The following ARHGAP32 variants were observed in gnomAD, a reference collection of about 807,000 sequenced individuals.
ARHGAP32 encodes the protein Rho GTPase activating protein 32.
In ARHGAP32, 51 loss-of-function variants were observed where a neutral mutation model predicts 186.5. The observed-to-expected ratio is 0.27, with a 90% confidence interval of 0.22 to 0.35. The LOEUF (loss-of-function observed/expected upper bound fraction) is 0.35. Among genes scored for constraint, ARHGAP32 ranks in the 10% least tolerant of loss-of-function variants. The pLI is 1.00. For missense variants in ARHGAP32, 2,186 were observed against 2,623.5 expected (o/e 0.83, Z 3.64); for synonymous variants, 950 against 964.3 (o/e 0.99, Z 0.27).
At chr11:129,214,832 T>C (rs892355617) in intron 1 of ARHGAP32, among the ~76,000 whole-genome samples, 1 of 152,212 alleles carries the variant, frequency 6.6e-6, no homozygotes, top group Admixed American at 6.5e-5. Flanking sequence ...GTGGACCACA[T>C]GGTCTCTATC....
intron 11 of ARHGAP32, among the ~76,000 whole-genome samples, chr11:129,002,805 ATTTTTTTTTTTT>A (rs36036048): frequency 9.3e-6 from 1 of 108,070 alleles, no homozygotes; most frequent in African/African-American, 3.6e-5. Flanking sequence ...AGGGATGTTG[ATTTTTTTTTTTT>A]TTTTTTTTTG....
Position 128,972,770 on chromosome 11 carries a change from C to A in ARHGAP32, c.3736G>T (p.Asp1246Tyr). Residue 1246 changes from aspartate (D) to tyrosine (Y), a missense_variant, in exon 22 of 23, where the codon GAC becomes TAC. Physicochemically the swap from Asp to Tyr is radical, Grantham distance 160 (BLOSUM62 -3). This residue lies in a region of ARHGAP32 where 1,502 missense variants were observed against 1,570.0 expected (regional missense o/e 0.96). Transcript: ENST00000682385. ...AAATTAGGAGGTGTGGGAGATTTGT[C>A]TGCAAATTCTAAAGGGTGATGGAGT... ...DKLHHPLEFA[D>Y]KSPTPPNLPS... The A allele has an allele frequency of 6.2e-7, 1 of 1,613,924 alleles. No homozygotes were observed. The highest frequency in any genetic ancestry group is 8.5e-7 in the Non-Finnish European group (1 of 1,179,992).
chr11:129,201,648 A>ATTT, intron 1 of ARHGAP32, among the ~76,000 whole-genome samples: 1 of 152,298 alleles, frequency 6.6e-6, no homozygotes, highest in South Asian at 2.1e-4. Context: ...AGCCACTAAA[A>ATTT]TACAACATTT....
intron 1 of ARHGAP32, among the ~76,000 whole-genome samples, chr11:129,211,134 A>C (rs1166677318): frequency 2.0e-5 from 3 of 152,054 alleles, no homozygotes; most frequent in Non-Finnish European, 4.4e-5. Flanking sequence ...AAAATCCTAT[A>C]TTTACTGTAA....
At chr11:129,130,982 T>C (rs1000623412) in intron 2 of ARHGAP32, among the ~76,000 whole-genome samples, 6 of 152,100 alleles carry the variant, frequency 3.9e-5, no homozygotes, top group Non-Finnish European at 8.8e-5. Context: ...CATACATATA[T>C]ATGCAATGGA....
intron 10 of ARHGAP32, among the ~76,000 whole-genome samples, chr11:129,057,087 G>T (rs182652923): frequency 5.3e-5 from 8 of 152,194 alleles, no homozygotes; most frequent in African/African-American, 1.9e-4. Context: ...AGAGCCAGGC[G>T]AGCTGGCTGA....
chr11:128,986,261 G>A (rs1253098632), intron 14 of ARHGAP32, among the ~76,000 whole-genome samples, 176 bp from the exon 15 acceptor site: 1 of 152,162 alleles, frequency 6.6e-6, no homozygotes, highest in African/African-American at 2.4e-5. Flanking sequence ...TGAACACTGA[G>A]ATCTACGAAA....
At chr11:129,236,656 G>A (rs1446323632) in intron 1 of ARHGAP32, among the ~76,000 whole-genome samples, 2 of 152,112 alleles carry the variant, frequency 1.3e-5, no homozygotes, top group Admixed American at 6.6e-5. Context: ...TTTTGGATAC[G>A]TCTTTAGGGT....
chr11:129,205,944 AG>A (rs1159394298), intron 1 of ARHGAP32, among the ~76,000 whole-genome samples: 7 of 152,156 alleles, frequency 4.6e-5, no homozygotes, highest in Admixed American at 1.3e-4. Flanking sequence ...TATATATAAT[AG>A]AATAATGAAC....
chr11:129,194,056 T>C (rs1255937227), upstream of ARHGAP32, among the ~76,000 whole-genome samples: 1 of 151,878 alleles, frequency 6.6e-6, no homozygotes, highest in Non-Finnish European at 1.5e-5. Flanking sequence ...CATAATAAGA[T>C]GACTTTTAAA....
chr11:128,984,056 T>C (rs1945792366), intron 15 of ARHGAP32, among the ~76,000 whole-genome samples: 1 of 152,138 alleles, frequency 6.6e-6, no homozygotes, highest in East Asian at 1.9e-4. Context: ...TGTAAAAGGA[T>C]GGCCCTCATA....
intron 1 of ARHGAP32, among the ~76,000 whole-genome samples, chr11:129,262,387 C>CT (rs796171922): frequency 1.8e-3 from 257 of 144,332 alleles, no homozygotes; most frequent in Middle Eastern, 3.6e-3. Flanking sequence ...GCAAAAGCTA[C>CT]TTTTTTTTTT....
intron 10 of ARHGAP32, among the ~76,000 whole-genome samples, chr11:129,056,611 G>A (rs1940262539): frequency 6.6e-6 from 1 of 152,088 alleles, no homozygotes; most frequent in Non-Finnish European, 1.5e-5. Flanking sequence ...GCAATATTAA[G>A]GAAGGACCAC....
At chr11:129,277,566 A>C (rs1219052469) in intron 1 of ARHGAP32, among the ~76,000 whole-genome samples, 1 of 152,180 alleles carries the variant, frequency 6.6e-6, no homozygotes, top group East Asian at 1.9e-4. Flanking sequence ...CTGGGCTTCC[A>C]CCTTAGCTGT....
At chr11:128,994,910 T>TAA (rs1946156819) in intron 12 of ARHGAP32, among the ~76,000 whole-genome samples, 1 of 152,206 alleles carries the variant, frequency 6.6e-6, no homozygotes, top group African/African-American at 2.4e-5. Context: ...TTCTAGCTCC[T>TAA]AAAGTTTACT....
intron 5 of ARHGAP32, among the ~76,000 whole-genome samples, chr11:129,096,714 T>C (rs942834315): frequency 3.3e-5 from 5 of 152,348 alleles, no homozygotes; most frequent in African/African-American, 1.2e-4. Flanking sequence ...TATGTGTCCA[T>C]TACACCTAGC....
At chr11:129,130,531 T>A (rs550529514) in intron 2 of ARHGAP32, among the ~76,000 whole-genome samples, 338 of 148,838 alleles carry the variant, frequency 2.3e-3, no homozygotes, top group Non-Finnish European at 3.7e-3. Context: ...TAACTAATAA[T>A]CCAATTTTTA....
intron 5 of ARHGAP32, among the ~76,000 whole-genome samples, chr11:129,102,768 G>A (rs528940002): frequency 5.3e-5 from 8 of 152,190 alleles, no homozygotes; most frequent in Admixed American, 2.6e-4. Flanking sequence ...GGTGGTATTC[G>A]TACTGCCACT....
intron 1 of ARHGAP32, among the ~76,000 whole-genome samples, chr11:129,248,939 T>A (rs532084442): frequency 6.6e-6 from 1 of 152,322 alleles, no homozygotes; most frequent in East Asian, 1.9e-4. Flanking sequence ...TCTGTCCTCA[T>A]GGAGCTTGGA....
Sources: gnomAD v4.1 joint callset for allele counts (sites outside exome capture counted in the v4.1 genomes callset) on GRCh38, gnomAD v4.1.1 for gene constraint, gnomAD v4.1.1 regional missense constraint, MANE v1.5 for transcripts, NCBI Gene and HGNC (gene_info 2026-07-23, HGNC 2026-07-21) for gene names.